Variants in PDE4D observed in about 807,000 individuals in gnomAD.
The protein encoded by PDE4D is 3',5'-cyclic-AMP phosphodiesterase 4D.
Under a neutral mutation model 87.4 loss-of-function variants are expected in PDE4D, and 24 were observed. The observed-to-expected ratio is 0.27, with a 90% CI of 0.20 to 0.39. The LOEUF is 0.39. Among genes scored for constraint, PDE4D ranks in the 10% least tolerant of loss-of-function variants. The pLI is 1.00. For synonymous variants in PDE4D, 384 were observed against 383.2 expected, an observed-to-expected ratio of 1.00 and a Z score of -0.02; for missense variants, 714 against 1,041.0, an observed-to-expected ratio of 0.69 and a Z score of 4.32.
rs557810496 is a variant in PDE4D, at chr5:59,267,628, A to C, written c.456-51660T>G. Among the ~76,000 whole-genome samples, 3 of 152,128 alleles carry C rather than the reference A, an allele frequency of 2.0e-5. No individual in the cohort carries two copies. In the East Asian group the frequency reaches 5.8e-4, roughly 29 times the overall value. On this transcript the variant is annotated intron_variant, in intron 1 of 14. Coordinates refer to ENST00000340635, the MANE Select transcript of PDE4D (RefSeq NM_001104631.2). Reference sequence around the variant, plus strand: ...GCAGTTTTCAAAGGCCATAAAGAAGAATTGGTTTATCTATTGATTCACTCT... The same window carrying C: ...GCAGTTTTCAAAGGCCATAAAGAAGCATTGGTTTATCTATTGATTCACTCT...
At chr5:60,421,235 GTGGGTCCCTGACCCCCACATAGCTTAAC>G (rs1257614195) in intron 1 of PDE4D, among the ~76,000 whole-genome samples, 1 of 152,226 alleles carries the variant, frequency 6.6e-6, no homozygotes, top group Non-Finnish European at 1.5e-5. Flanking sequence ...GCCTCCTCAA[GTGGGTCCCTGACCCCCACATAGCTTAAC>G]TGGGAGACAC....
At chr5:60,458,879 C>T (rs1049332636) in intron 1 of PDE4D, among the ~76,000 whole-genome samples, 7 of 151,842 alleles carry the variant, frequency 4.6e-5, no homozygotes, top group African/African-American at 1.7e-4. Context: ...GAGTCCCTAG[C>T]GACAGTCAAA....
intron 1 of PDE4D, among the ~76,000 whole-genome samples, chr5:59,819,747 A>G (rs567860951): frequency 6.6e-6 from 1 of 152,368 alleles, no homozygotes; most frequent in East Asian, 1.9e-4. Context: ...CTATTTGGAC[A>G]GTAGCTATCT....
intron 1 of PDE4D, among the ~76,000 whole-genome samples, chr5:59,702,518 C>T (rs1319539518): frequency 2.0e-5 from 3 of 152,118 alleles, no homozygotes; most frequent in Non-Finnish European, 2.9e-5. Flanking sequence ...CATGCAACTG[C>T]ACTCCAGCCT....
At chr5:59,240,468 A>T (rs1757407855) in intron 1 of PDE4D, among the ~76,000 whole-genome samples, 1 of 152,158 alleles carries the variant, frequency 6.6e-6, no homozygotes, top group Non-Finnish European at 1.5e-5. Context: ...CAGCCTTCAT[A>T]GTTCTTCAGA....
intron 1 of PDE4D, among the ~76,000 whole-genome samples, chr5:60,480,266 C>A (rs1748626831): frequency 6.6e-6 from 1 of 152,006 alleles, no homozygotes; most frequent in Non-Finnish European, 1.5e-5. Flanking sequence ...CTTCAGCTAT[C>A]TAGAAAATAT....
intron 5 of PDE4D, among the ~76,000 whole-genome samples, chr5:59,084,122 C>A (rs1458621141): frequency 1.3e-5 from 2 of 151,652 alleles, no homozygotes; most frequent in African/African-American, 4.8e-5. Context: ...TTCTTAAAAT[C>A]CATAATAATT....
chr5:60,141,097 T>C (rs1780497884), intron 2 of PDE4D, among the ~76,000 whole-genome samples: 1 of 152,148 alleles, frequency 6.6e-6, no homozygotes, highest in Admixed American at 6.5e-5. Flanking sequence ...GGATATCAGT[T>C]TCATACTCTT....
intron 1 of PDE4D, among the ~76,000 whole-genome samples, chr5:59,564,405 C>T (rs1414183473): frequency 6.6e-6 from 1 of 152,188 alleles, no homozygotes; most frequent in Non-Finnish European, 1.5e-5. Context: ...GAGAATCTCC[C>T]TTGGACACTC....
At chr5:59,800,797 T>G (rs1377533252) in intron 1 of PDE4D, among the ~76,000 whole-genome samples, 2 of 152,158 alleles carry the variant, frequency 1.3e-5, no homozygotes, top group Non-Finnish European at 2.9e-5. Flanking sequence ...AAGACTCACT[T>G]TCTAAAAATA....
At chr5:59,050,310 C>T (rs374940914) in intron 5 of PDE4D, among the ~76,000 whole-genome samples, 3 of 152,158 alleles carry the variant, frequency 2.0e-5, no homozygotes, top group South Asian at 4.1e-4. Flanking sequence ...AAAAGATTTC[C>T]CGAAAAGACT....
At chr5:59,864,152 G>A (rs1360831349) in intron 1 of PDE4D, among the ~76,000 whole-genome samples, 1 of 152,152 alleles carries the variant, frequency 6.6e-6, no homozygotes, top group Non-Finnish European at 1.5e-5. Context: ...AGTGCGATGT[G>A]CGGGTAGACA....
At chr5:59,233,157 C>T (rs2153518069) in intron 1 of PDE4D, among the ~76,000 whole-genome samples, 1 of 151,648 alleles carries the variant, frequency 6.6e-6, no homozygotes, top group African/African-American at 2.4e-5. Context: ...TTCAAAATAG[C>T]CAGAAGAAAG....
At chr5:59,687,178 A>T (rs1206563699) in intron 1 of PDE4D, among the ~76,000 whole-genome samples, 4 of 152,186 alleles carry the variant, frequency 2.6e-5, no homozygotes, top group Non-Finnish European at 5.9e-5. Flanking sequence ...CAATGAATCA[A>T]TTTTTAAAAT....
chr5:60,273,588 G>A (rs1751041048), intron 1 of PDE4D, among the ~76,000 whole-genome samples: 1 of 152,186 alleles, frequency 6.6e-6, no homozygotes, highest in Non-Finnish European at 1.5e-5. Flanking sequence ...TTAGGACACT[G>A]TAGCAGCAAT....
At chr5:59,597,398 T>G (rs1449970009) in intron 1 of PDE4D, among the ~76,000 whole-genome samples, 7 of 152,130 alleles carry the variant, frequency 4.6e-5, no homozygotes, top group African/African-American at 1.7e-4. Flanking sequence ...GAGACTGTTC[T>G]TTTTCTCTGA....
chr5:60,478,806 C>A (rs1748513716), intron 1 of PDE4D, among the ~76,000 whole-genome samples: 1 of 152,178 alleles, frequency 6.6e-6, no homozygotes, highest in Non-Finnish European at 1.5e-5. Context: ...CAGACTCATA[C>A]CCAGTGCAGT....
intron 1 of PDE4D, among the ~76,000 whole-genome samples, chr5:59,359,975 C>T (rs1297946887): frequency 2.6e-5 from 4 of 152,136 alleles, no homozygotes; most frequent in Non-Finnish European, 5.9e-5. Flanking sequence ...TGCCCGTCTC[C>T]TGCCAATAAC....
At chr5:59,195,395 G>C (rs1745247778) in intron 2 of PDE4D, among the ~76,000 whole-genome samples, 1 of 152,226 alleles carries the variant, frequency 6.6e-6, no homozygotes, top group South Asian at 2.1e-4. Flanking sequence ...AGCCAGCAGA[G>C]AGGGATGAAG....
Sources: allele counts gnomAD v4.1 joint callset (sites outside exome capture counted in the v4.1 genomes callset), GRCh38; gene constraint gnomAD v4.1.1; transcripts MANE v1.5; gene names NCBI Gene and HGNC (gene_info 2026-07-23, HGNC 2026-07-21).